Variants in PLCG2 observed in about 807,000 individuals in gnomAD.
The protein encoded by PLCG2 is phospholipase C gamma 2.
A neutral mutation model predicts 175.6 loss-of-function variants in PLCG2; 69 were observed. The ratio of observed to expected loss-of-function variants is 0.39; its 90% CI spans 0.32 to 0.48. The LOEUF (loss-of-function observed/expected upper bound fraction) is 0.48. Ranked by LOEUF, PLCG2 falls within the 20% of genes least tolerant of loss-of-function variation. The probability of loss-of-function intolerance (pLI) is 0.91; values close to 1 mark genes in which losing one functional copy is unlikely to be tolerated. For synonymous variants in PLCG2, 827 were observed against 624.0 expected (o/e 1.33, Z -4.85); for missense variants, 1,798 against 1,650.9 (o/e 1.09, Z -1.54).
In PLCG2 at chr16:81,921,278, C is replaced by A. The variant is rs749526837; in HGVS notation, c.2307+9C>A. The A allele has an allele frequency of 6.3e-7, 1 of 1,581,840 alleles. No individual in the cohort carries two copies. The highest frequency in any genetic ancestry group is 2.2e-5 in the East Asian group (1 of 44,708). On this transcript the variant is annotated intron_variant, in intron 21 of 32. Transcript: ENST00000564138. ...AAATCAATCCGTCCATGGTACGGTG[C>A]CGAACCTCCAATTCACATGATTTTG...
At chr16:81,859,320 A>G in intron 5 of PLCG2, 157 bp downstream of exon 5, 2 of 575,470 alleles carry the variant, frequency 3.5e-6, no homozygotes, top group East Asian at 3.0e-5. Flanking sequence ...GGGGTTGAGG[A>G]TGACAAAATC....
intron 31 of PLCG2, among the ~76,000 whole-genome samples, chr16:81,953,675 A>G (rs1223002950): frequency 6.6e-6 from 1 of 152,222 alleles, no homozygotes; most frequent in East Asian, 1.9e-4. Flanking sequence ...TCTCTTGACT[A>G]GAGTGGTGGT....
rs561843900 is a variant in PLCG2, at chr16:81,806,707, G to A, written c.193+20525G>A. On this transcript the variant is annotated intron_variant, in intron 2 of 32. Coordinates refer to ENST00000564138, the MANE Select transcript of PLCG2 (RefSeq NM_002661.5). ...AAAGGGGGATCATGAGGGTCCAGGT[G>A]TGGGGCTGGGGACATGGAAGGCCTC... is the stretch of plus-strand genomic sequence containing the variant. 2.6e-5 allele frequency among the ~76,000 whole-genome samples: 4 copies of A among 152,252 alleles called. No individual in the cohort carries two copies. In the East Asian group the frequency reaches 5.8e-4, roughly 22 times the overall value.
intron 2 of PLCG2, among the ~76,000 whole-genome samples, chr16:81,771,217 A>T (rs1011717561): frequency 6.6e-6 from 1 of 152,100 alleles, no homozygotes; most frequent in Admixed American, 6.6e-5. Flanking sequence ...AGGCAGTGAG[A>T]TTCTCTATTC....
intron 3 of PLCG2, among the ~76,000 whole-genome samples, chr16:81,855,165 T>A (rs757805178): frequency 4.7e-5 from 7 of 147,452 alleles, no homozygotes; most frequent in Admixed American, 2.1e-4. Context: ...TCCCCTACAG[T>A]CTGGGTGACA....
chr16:81,747,616 T>C (rs1909730277), intron 1 of PLCG2, among the ~76,000 whole-genome samples: 1 of 152,172 alleles, frequency 6.6e-6, no homozygotes, highest in South Asian at 2.1e-4. Context: ...GGATAGAGGA[T>C]GAGTTACATC....
At chr16:81,757,754 A>C (rs748993449) in intron 2 of PLCG2, among the ~76,000 whole-genome samples, 1 of 151,990 alleles carries the variant, frequency 6.6e-6, no homozygotes, top group Non-Finnish European at 1.5e-5. Flanking sequence ...CACCACAATC[A>C]ATTTTTGAAA....
intron 2 of PLCG2, among the ~76,000 whole-genome samples, chr16:81,818,356 C>A (rs1455102763): frequency 6.6e-6 from 1 of 152,172 alleles, no homozygotes; most frequent in Non-Finnish European, 1.5e-5. Context: ...TTTATGTGGG[C>A]ATTTAATGTC....
At chr16:81,751,385 G>A (rs756524947) in intron 1 of PLCG2, among the ~76,000 whole-genome samples, 74 of 152,286 alleles carry the variant, frequency 4.9e-4, no homozygotes, top group Non-Finnish European at 7.9e-4. Flanking sequence ...AGAAAGACAA[G>A]TGTCACATGT....
At chr16:81,928,815 CT>C in intron 24 of PLCG2, 191 bp downstream of exon 24, 1 of 518,502 alleles carries the variant, frequency 1.9e-6, no homozygotes, top group South Asian at 3.4e-5. Flanking sequence ...TTAATCTCTA[CT>C]AAAACTGTAA....
At chr16:81,749,181 G>A (rs1436963407) in intron 1 of PLCG2, among the ~76,000 whole-genome samples, 1 of 152,086 alleles carries the variant, frequency 6.6e-6, no homozygotes, top group African/African-American at 2.4e-5. Flanking sequence ...GTTTATTTGG[G>A]AAGGTAGGAG....
At chr16:81,942,176 C>T (rs988378948) in intron 30 of PLCG2, among the ~76,000 whole-genome samples, 3 of 152,148 alleles carry the variant, frequency 2.0e-5, no homozygotes, top group Admixed American at 2.0e-4. Context: ...GTTACCCCGA[C>T]GTCCTCTTGA....
At chr16:81,808,430 C>T (rs1597330391) in intron 2 of PLCG2, among the ~76,000 whole-genome samples, 1 of 152,136 alleles carries the variant, frequency 6.6e-6, no homozygotes, top group South Asian at 2.1e-4. Flanking sequence ...TGGCCCCAAG[C>T]CCACAGCACT....
intron 2 of PLCG2, among the ~76,000 whole-genome samples, chr16:81,819,915 G>T (rs1275116324): frequency 6.6e-6 from 1 of 152,112 alleles, no homozygotes; most frequent in East Asian, 1.9e-4. Context: ...CATTTAGTAG[G>T]TCTTATTTTC....
chr16:81,930,684 G>A (rs963382178), intron 24 of PLCG2, among the ~76,000 whole-genome samples: 3 of 149,760 alleles, frequency 2.0e-5, no homozygotes, highest in East Asian at 2.0e-4. Flanking sequence ...GAAGGTGGAG[G>A]CTGCAGGGAG....
chr16:81,946,190 C>G lies in PLCG2; in HGVS notation c.3497C>G (p.Pro1166Arg). The G allele has an allele frequency of 6.2e-7, 1 of 1,613,672 alleles. No individual in the cohort carries two copies. Among genetic ancestry groups the G allele is most frequent in the Non-Finnish European group, 8.5e-7 (1 of 1,179,598 alleles). Reference sequence around the variant, plus strand: ...TCTGCTTCAGGATTCAGGTCCGTTCCTCTGAAGAATGGGTACAGCGAGGAC... The same window carrying G: ...TCTGCTTCAGGATTCAGGTCCGTTCGTCTGAAGAATGGGTACAGCGAGGAC... ...KAVKSGFRSV[P>R]LKNGYSEDIE... Residue 1166 changes from proline (P) to arginine (R), a missense_variant, in exon 31 of 33, where the codon CCT (proline) becomes CGT (arginine). By Grantham distance (103) the Pro-to-Arg change is moderately radical. Transcript: ENST00000564138.
chr16:81,942,837 T>C (rs1269568810), intron 30 of PLCG2, among the ~76,000 whole-genome samples: 1 of 152,154 alleles, frequency 6.6e-6, no homozygotes, highest in Non-Finnish European at 1.5e-5. Context: ...CAAAGCCAGA[T>C]GCATTGATCT....
At position 81,867,889 on chromosome 16, in the gene PLCG2, C is replaced by T. The variant is rs374609450; in HGVS notation, c.480-1325C>T. On this transcript the variant is annotated intron_variant, in intron 5 of 32. Coordinates refer to ENST00000564138, the MANE Select transcript of PLCG2 (RefSeq NM_002661.5). ...ATTTTTTTTGTATTTTTAGTAGAGACGGGGTTTCACCGTGTTAGCCAGGAT... is the reference window on the plus strand; with the variant it reads ...ATTTTTTTTGTATTTTTAGTAGAGATGGGGTTTCACCGTGTTAGCCAGGAT... Among the ~76,000 whole-genome samples, 439 of 152,180 alleles carry T rather than the reference C, an allele frequency of 2.9e-3. 2 individuals carry two copies. Among genetic ancestry groups the T allele is most frequent in the Middle Eastern group, 0.014 (4 of 294 alleles).
chr16:81,924,623 C>G (rs1054211208), intron 22 of PLCG2, among the ~76,000 whole-genome samples: 1 of 152,230 alleles, frequency 6.6e-6, no homozygotes, highest in Non-Finnish European at 1.5e-5. Context: ...CTTCCCTGTC[C>G]TCTTGCAAGA....
Sources: gnomAD v4.1 joint callset for allele counts (sites outside exome capture counted in the v4.1 genomes callset) on GRCh38, gnomAD v4.1.1 for gene constraint, MANE v1.5 for transcripts, NCBI Gene and HGNC (gene_info 2026-07-23, HGNC 2026-07-21) for gene names.